Variants in FAM76A observed in about 807,000 individuals in gnomAD.
FAM76A encodes protein FAM76A.
FAM76A carries 32 observed loss-of-function variants against 46.2 expected under a neutral mutation model. The ratio of observed to expected loss-of-function variants is 0.69; its 90% CI spans 0.52 to 0.93. The LOEUF (loss-of-function observed/expected upper bound fraction) is 0.93. FAM76A is among the 40% of genes least tolerant of loss of function. The pLI is 0.00. For missense variants in FAM76A, 274 were observed against 361.5 expected (o/e 0.76, Z 1.96); for synonymous variants, 137 against 127.0 (o/e 1.08, Z -0.53).
intron 4 of FAM76A, chr1:27,740,287 T>G (rs961665368): frequency 6.4e-6 from 5 of 780,790 alleles, no homozygotes; most frequent in Non-Finnish European, 1.2e-5. Flanking sequence ...GGGATGAAGG[T>G]TGGCCTTACC....
chr1:27,734,013 CT>C lies in FAM76A; in HGVS notation c.202-12del. ...TTATGAAAGTAATACTTACTTGACT[CT>C]TTTTTCCCCTTTTAAGCCCAAACCT... On this transcript the variant is annotated splice_polypyrimidine_tract_variant and intron_variant, in intron 3 of 8. Coordinates refer to ENST00000373954, the MANE Select transcript of FAM76A (RefSeq NM_152660.3). 2 of 1,597,674 alleles carry C rather than the reference CT, an allele frequency of 1.3e-6. No homozygotes were observed. Among genetic ancestry groups the C allele is most frequent in the Admixed American group, 1.8e-5 (1 of 54,160 alleles).
At chr1:27,731,739 G>T (rs964436420) in intron 2 of FAM76A, among the ~76,000 whole-genome samples, 3 of 152,018 alleles carry the variant, frequency 2.0e-5, no homozygotes, top group African/African-American at 7.2e-5. Flanking sequence ...TATTTTGAGG[G>T]TGTTTTCTGT....
chr1:27,736,878 C>T (rs1000455933), intron 4 of FAM76A, among the ~76,000 whole-genome samples: 15 of 152,176 alleles, frequency 9.9e-5, no homozygotes, highest in Non-Finnish European at 1.5e-4. Flanking sequence ...CAGCCCACCT[C>T]GGCCTCCCAA....
intron 7 of FAM76A, among the ~76,000 whole-genome samples, chr1:27,755,869 CT>C (rs2088402236): frequency 6.6e-6 from 1 of 152,152 alleles, no homozygotes; most frequent in Non-Finnish European, 1.5e-5. Context: ...GCCATTGCCC[CT>C]GGCCTCAGAG....
At chr1:27,729,595 A>G (rs929560056) in intron 2 of FAM76A, among the ~76,000 whole-genome samples, 11 of 151,998 alleles carry the variant, frequency 7.2e-5, no homozygotes, top group African/African-American at 2.7e-4. Flanking sequence ...TATCATATAC[A>G]CTTTACTATA....
In FAM76A at chr1:27,729,191, C is replaced by T. The variant is rs554200820; in HGVS notation, c.146+1655C>T. 1.3e-4 allele frequency among the ~76,000 whole-genome samples: 19 copies of T among 151,840 alleles called. No homozygotes were observed. In the South Asian group the frequency reaches 4.0e-3, roughly 32 times the overall value. On this transcript the variant is annotated intron_variant, in intron 2 of 8. Transcript: ENST00000373954. ...ATTTCAATTCTTAGAATATCTTCTC[C>T]AAGATTTTATCATGGATTTTTTTTT...
At chr1:27,727,625 A>C (rs1162161234) in intron 2 of FAM76A, 89 bp downstream of exon 2, 3 of 917,288 alleles carry the variant, frequency 3.3e-6, no homozygotes, top group Non-Finnish European at 5.3e-6. Context: ...AGATGCTATA[A>C]TCAGTTGCAT....
intron 4 of FAM76A, among the ~76,000 whole-genome samples, chr1:27,737,891 A>C (rs1450361602): frequency 6.8e-6 from 1 of 147,864 alleles, no homozygotes; most frequent in African/African-American, 2.6e-5. Context: ...AAAAAAAAAA[A>C]ACAGAAAAAA....
chr1:27,758,391 G>C (rs1163252107), intron 7 of FAM76A, among the ~76,000 whole-genome samples: 2 of 152,170 alleles, frequency 1.3e-5, no homozygotes, highest in Non-Finnish European at 2.9e-5. Flanking sequence ...AATGGCCCAA[G>C]TATATTCTCT....
At chr1:27,727,186 T>C (rs1432598665) in intron 1 of FAM76A, among the ~76,000 whole-genome samples, 1 of 152,242 alleles carries the variant, frequency 6.6e-6, no homozygotes, top group Non-Finnish European at 1.5e-5. Flanking sequence ...GAACCAGGCC[T>C]GGAATTCAGG....
intron 5 of FAM76A, among the ~76,000 whole-genome samples, 200 bp downstream of exon 5, chr1:27,745,011 C>T (rs2088219183): frequency 6.6e-6 from 1 of 152,174 alleles, no homozygotes; most frequent in South Asian, 2.1e-4. Flanking sequence ...CATAAAGTGT[C>T]AGGATTTCCT....
chr1:27,757,901 G>A (rs547881616), intron 7 of FAM76A, among the ~76,000 whole-genome samples: 12 of 152,000 alleles, frequency 7.9e-5, no homozygotes, highest in East Asian at 3.9e-4. Context: ...GGCGTGAACC[G>A]GTGAGGCGGA....
intron 4 of FAM76A, among the ~76,000 whole-genome samples, chr1:27,734,965 A>T (rs2088020416): frequency 6.6e-6 from 1 of 152,252 alleles, no homozygotes; most frequent in Non-Finnish European, 1.5e-5. Flanking sequence ...TCTCTTGCTT[A>T]AAATCCTCCA....
chr1:27,740,546 A>C lies in FAM76A; in HGVS notation c.355-4108A>C. On this transcript the variant is annotated intron_variant, in intron 4 of 8. Transcript: ENST00000373954. Reference sequence around the variant, plus strand: ...GATTATGTCTGGAAGCGTTGTTATGAGGAGTGAGGACCCCAGATCTGTGAT... The same window carrying C: ...GATTATGTCTGGAAGCGTTGTTATGCGGAGTGAGGACCCCAGATCTGTGAT... 2.5e-6 allele frequency: 3 copies of C among 1,204,582 alleles called. 1 individual carries two copies. In the South Asian group the frequency reaches 3.6e-5, roughly 15 times the overall value. The allele number at this position is 1,204,582 out of a possible 1,614,324, so 74.6% of individuals were successfully genotyped here.
At position 27,761,663 on chromosome 1, in the gene FAM76A, T is replaced by G. The variant is rs1331886501; in HGVS notation, c.*1082T>G. On this transcript the variant is annotated 3_prime_UTR_variant, in exon 9 of 9. Coordinates refer to ENST00000373954, the MANE Select transcript of FAM76A (RefSeq NM_152660.3). The stretch of plus-strand genomic sequence containing the variant: ...TGTTTTTTTACATGAATGAACAGAT[T>G]AAAAATGGAATAATATGGTCGGGTG... The G allele has an allele frequency of 6.6e-6, 1 of 152,562 alleles. No homozygotes were observed. Among genetic ancestry groups the G allele is most frequent in the Non-Finnish European group, 1.5e-5 (1 of 68,026 alleles). 9.5% of individuals were successfully genotyped at this position (152,562 alleles called of 1,614,324 possible).
At chr1:27,734,765 T>C (rs1431892688) in intron 4 of FAM76A, among the ~76,000 whole-genome samples, 1 of 152,200 alleles carries the variant, frequency 6.6e-6, no homozygotes, top group Non-Finnish European at 1.5e-5. Context: ...AAAGGAGAGA[T>C]TGTAACTTAA....
At chr1:27,728,904 C>T (rs544501307) in intron 2 of FAM76A, among the ~76,000 whole-genome samples, 17 of 150,998 alleles carry the variant, frequency 1.1e-4, no homozygotes, top group African/African-American at 3.4e-4. Flanking sequence ...GTGGAGGTTG[C>T]GGTGAGCTGA....
intron 7 of FAM76A, among the ~76,000 whole-genome samples, chr1:27,758,060 G>T (rs10902670): frequency 6.6e-6 from 1 of 151,832 alleles, no homozygotes; most frequent in African/African-American, 2.4e-5. Flanking sequence ...TCTTCTTAGG[G>T]GTTTCTGATC....
At chr1:27,740,851 G>A (rs1006150098) in intron 4 of FAM76A, among the ~76,000 whole-genome samples, 2 of 152,028 alleles carry the variant, frequency 1.3e-5, no homozygotes, top group African/African-American at 4.8e-5. Context: ...TGTGGGGCCC[G>A]GGTGTGGTGG....
Sources: allele counts gnomAD v4.1 joint callset (sites outside exome capture counted in the v4.1 genomes callset), GRCh38; gene constraint gnomAD v4.1.1; transcripts MANE v1.5; gene names NCBI Gene and HGNC (gene_info 2026-07-23, HGNC 2026-07-21).